Variants in PRSS55 observed in about 807,000 individuals in gnomAD.
PRSS55 encodes probable serine protease UNQ9391/PRO34284.
In PRSS55, 41 loss-of-function variants were observed where a neutral mutation model predicts 23.6. The ratio of observed to expected loss-of-function variants is 1.74; its 90% confidence interval spans 1.35 to 2.26. The LOEUF is 2.26. PRSS55 is among the 30% of genes most tolerant of loss of function. The pLI, the probability that PRSS55 is intolerant of heterozygous loss-of-function variation, is 0.00. For synonymous variants in PRSS55, 262 were observed against 175.5 expected, an observed-to-expected ratio of 1.49 and a Z score of -3.90; for missense variants, 669 against 439.1, an observed-to-expected ratio of 1.52 and a Z score of -4.68.
intron 4 of PRSS55, among the ~76,000 whole-genome samples, chr8:10,546,283 C>T (rs1402164504): frequency 6.6e-6 from 1 of 152,188 alleles, no homozygotes; most frequent in East Asian, 1.9e-4. Context: ...TGAGCAAAGC[C>T]TGCCATACAC....
chr8:10,546,624 C>T (rs1165364502), intron 4 of PRSS55, among the ~76,000 whole-genome samples: 7 of 152,104 alleles, frequency 4.6e-5, no homozygotes, highest in African/African-American at 1.7e-4. Flanking sequence ...CCCTCCTGGT[C>T]GCACATGGAG....
intron 4 of PRSS55, 151 bp downstream of exon 4, chr8:10,533,199 G>C: frequency 4.7e-6 from 4 of 843,334 alleles, no homozygotes; most frequent in Non-Finnish European, 5.4e-6. Flanking sequence ...TGAGTATGTG[G>C]ATTTCAGATC....
At chr8:10,550,263 A>C (rs1056375684) in intron 4 of PRSS55, among the ~76,000 whole-genome samples, 1 of 152,160 alleles carries the variant, frequency 6.6e-6, no homozygotes, top group African/African-American at 2.4e-5. Flanking sequence ...CTATCCACAG[A>C]GAATTACCTA....
At chr8:10,550,002 C>G (rs1812916026) in intron 4 of PRSS55, among the ~76,000 whole-genome samples, 1 of 152,182 alleles carries the variant, frequency 6.6e-6, no homozygotes, top group South Asian at 2.1e-4. Context: ...TCACTGCAGC[C>G]TCCGCCTCCC....
At chr8:10,554,163 A>G (rs553919894) in exon 5 of PRSS55, 84 of 547,500 alleles carry the variant, frequency 1.5e-4, no homozygotes, top group Non-Finnish European at 2.3e-4. Context: ...AAGCCTCCCC[A>G]TTTTCATGAT....
intron 4 of PRSS55, among the ~76,000 whole-genome samples, chr8:10,534,007 C>A (rs575736210): frequency 5.3e-5 from 8 of 152,260 alleles, no homozygotes; most frequent in Non-Finnish European, 1.0e-4. Context: ...AAGAAGTAGA[C>A]CCTGGCAGCA....
chr8:10,538,570 A>C lies in PRSS55; in HGVS notation c.836A>C (p.Lys279Thr), dbSNP rs1176314858. The change falls in exon 5 of 5, where the codon AAG (lysine) becomes ACG (threonine). Residue 279 changes from lysine to threonine, a missense_variant. Physicochemically the swap from Lys to Thr is moderately conservative, Grantham distance 78 (BLOSUM62 -1). Coordinates refer to ENST00000328655, the MANE Select transcript of PRSS55 (RefSeq NM_198464.4). The part of the protein sequence containing the change: ...IISWGKSCGE[K>T]NTPGIYTSLV... ...AGCTGGGGAAAGAGCTGTGGAGAGA[A>C]GAACACCCCAGGGATATACACCTCG... 6.2e-7 allele frequency: 1 copy of C among 1,614,174 alleles called. No homozygotes were observed. The highest frequency in any genetic ancestry group is 1.7e-5 in the Admixed American group (1 of 60,028).
At chr8:10,533,781 T>C (rs997347237) in intron 4 of PRSS55, among the ~76,000 whole-genome samples, 3 of 152,164 alleles carry the variant, frequency 2.0e-5, no homozygotes, top group Non-Finnish European at 4.4e-5. Flanking sequence ...GTGGACCTTG[T>C]CGTTGGTATA....
chr8:10,531,069 T>C (rs1454852123), intron 2 of PRSS55, among the ~76,000 whole-genome samples: 1 of 151,714 alleles, frequency 6.6e-6, no homozygotes, highest in Admixed American at 6.6e-5. Flanking sequence ...CCCCTGATGG[T>C]GCAGTGGTCT....
At position 10,531,345 on chromosome 8, in the gene PRSS55, C is replaced by T; in HGVS notation, c.398C>T (p.Ser133Phe). ...GGGACCAACGACTTAACTAGCCCAT[C>T]CATGGAAATAAAGGAGGTCGCCAGC... Reference protein sequence around the residue: ...VLGTNDLTSPSMEIKEVASII... With the variant: ...VLGTNDLTSPFMEIKEVASII... The change falls in exon 3 of 5, where the codon TCC (serine) becomes TTC (phenylalanine). Residue 133 changes from serine (S) to phenylalanine (F), a missense_variant. Ser to Phe is a radical substitution (Grantham distance 155). Transcript: ENST00000328655. The T allele has an allele frequency of 1.9e-6, 3 of 1,614,146 alleles. No homozygotes were observed. Among genetic ancestry groups the T allele is most frequent in the South Asian group, 1.1e-5 (1 of 91,082 alleles).
downstream of PRSS55, among the ~76,000 whole-genome samples, chr8:10,539,216 C>G (rs1316621448): frequency 2.0e-5 from 3 of 152,158 alleles, no homozygotes; most frequent in Non-Finnish European, 2.9e-5. Flanking sequence ...CCCTGTTGTT[C>G]TAGGAAGTTA....
chr8:10,533,178 AG>A, intron 4 of PRSS55, 130 bp downstream of exon 4: 1 of 988,550 alleles, frequency 1.0e-6, no homozygotes, highest in South Asian at 1.7e-5. Context: ...TAGGGCCTGC[AG>A]CCATGAGAAT....
intron 4 of PRSS55, among the ~76,000 whole-genome samples, chr8:10,547,093 G>C (rs929777900): frequency 6.6e-6 from 1 of 151,940 alleles, no homozygotes; most frequent in African/African-American, 2.4e-5. Context: ...TGGCTTCACG[G>C]AGCCATGACA....
chr8:10,542,893 A>C (rs1812699759), downstream of PRSS55, among the ~76,000 whole-genome samples: 1 of 151,102 alleles, frequency 6.6e-6, no homozygotes, highest in African/African-American at 2.4e-5. Context: ...AAAAAAAAAA[A>C]AAAAGACAAC....
chr8:10,528,813 T>C (rs1213625547), intron 1 of PRSS55, among the ~76,000 whole-genome samples: 1 of 152,252 alleles, frequency 6.6e-6, no homozygotes. Flanking sequence ...TCTGCGTTCC[T>C]ACTGGACGCT....
intron 4 of PRSS55, among the ~76,000 whole-genome samples, chr8:10,545,558 CT>C (rs1393945990): frequency 3.9e-5 from 6 of 152,204 alleles, no homozygotes; most frequent in Admixed American, 2.0e-4. Flanking sequence ...CTGTTCCACA[CT>C]TCAGAAGCAT....
chr8:10,551,944 A>T (rs1812961169), intron 4 of PRSS55, among the ~76,000 whole-genome samples: 1 of 152,268 alleles, frequency 6.6e-6, no homozygotes, highest in South Asian at 2.1e-4. Context: ...AGAGGCAGTT[A>T]AACGACAGAA....
At chr8:10,537,334 G>T (rs1167364687) in intron 4 of PRSS55, among the ~76,000 whole-genome samples, 1 of 152,174 alleles carries the variant, frequency 6.6e-6, no homozygotes, top group African/African-American at 2.4e-5. Context: ...AGCATGTATA[G>T]AACTGGAGGA....
chr8:10,535,933 T>A (rs1264257708), intron 4 of PRSS55, among the ~76,000 whole-genome samples: 1 of 152,160 alleles, frequency 6.6e-6, no homozygotes, highest in Non-Finnish European at 1.5e-5. Flanking sequence ...ACGCCTCTAA[T>A]CCCAGCACTG....
Sources: gnomAD v4.1 joint callset for allele counts (sites outside exome capture counted in the v4.1 genomes callset) on GRCh38, gnomAD v4.1.1 for gene constraint, MANE v1.5 for transcripts, NCBI Gene and HGNC (gene_info 2026-07-23, HGNC 2026-07-21) for gene names.